The following SATB2 variants were observed in gnomAD, a reference collection of about 807,000 sequenced individuals.
SATB2 encodes the protein DNA-binding protein SATB2.
In SATB2, 1 loss-of-function variant was observed where a neutral mutation model predicts 73.4. That is an observed-to-expected ratio of 0.01 (90% CI 0.00 to 0.06). SATB2 has a LOEUF of 0.06. Ranked by LOEUF, SATB2 falls within the 10% of genes least tolerant of loss-of-function variation. The pLI is 1.00. For missense variants in SATB2, 459 were observed against 945.8 expected (o/e 0.49, Z 6.75); for synonymous variants, 397 against 367.0 (o/e 1.08, Z -0.93).
chr2:199,326,308 A>T (rs908095254), intron 8 of SATB2, among the ~76,000 whole-genome samples: 8 of 152,160 alleles, frequency 5.3e-5, no homozygotes, highest in African/African-American at 1.9e-4. Context: ...ATTCTCAAAA[A>T]CATGTTTAAA....
At chr2:199,332,480 G>A (rs1688216063) in intron 7 of SATB2, among the ~76,000 whole-genome samples, 1 of 152,004 alleles carries the variant, frequency 6.6e-6, no homozygotes, top group African/African-American at 2.4e-5. Flanking sequence ...TTCATTAAAA[G>A]CAAAATAATT....
chr2:199,299,212 C>T (rs1329216101), intron 10 of SATB2, among the ~76,000 whole-genome samples: 3 of 152,172 alleles, frequency 2.0e-5, no homozygotes, highest in Non-Finnish European at 4.4e-5. Flanking sequence ...AGTGGACACA[C>T]TTATTATCTA....
intron 10 of SATB2, among the ~76,000 whole-genome samples, chr2:199,301,450 T>A (rs979172713): frequency 6.6e-6 from 1 of 152,196 alleles, no homozygotes; most frequent in Non-Finnish European, 1.5e-5. Context: ...AAGTGATCTA[T>A]GGCCAGGTGG....
chr2:199,451,319 A>C (rs2105951155), intron 2 of SATB2, among the ~76,000 whole-genome samples: 1 of 152,132 alleles, frequency 6.6e-6, no homozygotes, highest in Middle Eastern at 3.4e-3. Flanking sequence ...TTATTTTAAT[A>C]ACAGGCCAAG....
chr2:199,387,343 C>T (rs1689992137), intron 3 of SATB2, among the ~76,000 whole-genome samples: 2 of 152,188 alleles, frequency 1.3e-5, no homozygotes. Flanking sequence ...CACAGTCACA[C>T]ATCAGGCAGT....
intron 10 of SATB2, among the ~76,000 whole-genome samples, chr2:199,280,603 T>C (rs1009491163): frequency 2.6e-4 from 40 of 152,070 alleles, no homozygotes; most frequent in African/African-American, 8.2e-4. Context: ...AATGGCCGCT[T>C]TGGGGGTGGC....
At chr2:199,344,810 T>C (rs1688604023) in intron 7 of SATB2, among the ~76,000 whole-genome samples, 1 of 152,118 alleles carries the variant, frequency 6.6e-6, no homozygotes, top group South Asian at 2.1e-4. Flanking sequence ...AACACCAAAT[T>C]TTGGAAAGTG....
intron 1 of SATB2, among the ~76,000 whole-genome samples, chr2:199,456,403 T>G (rs1692275824): frequency 6.6e-6 from 1 of 152,228 alleles, no homozygotes; most frequent in African/African-American, 2.4e-5. Flanking sequence ...GGGACGGGGT[T>G]GGCATAAACC....
At chr2:199,411,023 T>C (rs918670146) in intron 3 of SATB2, among the ~76,000 whole-genome samples, 26 of 152,166 alleles carry the variant, frequency 1.7e-4, no homozygotes, top group Admixed American at 1.4e-3. Flanking sequence ...TAATTGCTAA[T>C]ACATGGCATT....
chr2:199,357,219 G>C (rs1290075212), intron 6 of SATB2, among the ~76,000 whole-genome samples: 2 of 152,208 alleles, frequency 1.3e-5, no homozygotes, highest in Non-Finnish European at 1.5e-5. Context: ...GTGTGCACAA[G>C]TGCACGTGGC....
intron 9 of SATB2, among the ~76,000 whole-genome samples, chr2:199,316,350 G>A (rs1446642): frequency 6.6e-6 from 1 of 151,936 alleles, no homozygotes; most frequent in African/African-American, 2.4e-5. Flanking sequence ...TACAAGGAAG[G>A]CTTGTCAAGG....
At chr2:199,304,846 C>T (rs2105762818) in intron 10 of SATB2, among the ~76,000 whole-genome samples, 1 of 152,234 alleles carries the variant, frequency 6.6e-6, no homozygotes, top group South Asian at 2.1e-4. Context: ...AATCCAAATT[C>T]CCAAGGAAGA....
chr2:199,346,858 C>CTTTTTTTTTTTTTTTTTTTTTTTTTT (rs540374842), intron 7 of SATB2: 1 of 88,440 alleles, frequency 1.1e-5, no homozygotes, highest in Non-Finnish European at 2.2e-5. Context: ...TTTCACTTAA[C>CTTTTTTTTTTTTTTTTTTTTTTTTTT]TTTTTTTTTT....
At chr2:199,453,786 AAATT>A (rs548539618) in intron 2 of SATB2, among the ~76,000 whole-genome samples, 52 of 152,160 alleles carry the variant, frequency 3.4e-4, no homozygotes, top group Non-Finnish European at 5.5e-4. Flanking sequence ...AAAGTTGTCT[AAATT>A]AATCTCTTTA....
chr2:199,336,942 G>C (rs549590592), intron 7 of SATB2, among the ~76,000 whole-genome samples: 8 of 152,108 alleles, frequency 5.3e-5, no homozygotes, highest in Admixed American at 5.2e-4. Flanking sequence ...TCCCTTATAG[G>C]GTCCCCTAGA....
At position 199,380,412 on chromosome 2, in the gene SATB2, G is replaced by C; in HGVS notation, c.549C>G (p.Leu183=). The part of the protein sequence containing the change: ...ATVRNALKEL[L]KEMNQSTLAK... ...CTAATGTGCTCTGGTTCATCTCTTTGAGCAGTTCCTTTAAGGCATTGCGGA... is the reference window on the plus strand; with the variant it reads ...CTAATGTGCTCTGGTTCATCTCTTTCAGCAGTTCCTTTAAGGCATTGCGGA... Residue 183 remains leucine (L), a synonymous_variant, in exon 5 of 11, where the codon CTC becomes CTG. Transcript: ENST00000417098. 2 of 1,613,922 alleles carry C rather than the reference G, an allele frequency of 1.2e-6. No individual in the cohort carries two copies. Among genetic ancestry groups the C allele is most frequent in the Non-Finnish European group, 1.7e-6 (2 of 1,179,844 alleles).
At chr2:199,274,807 C>G (rs564199093) in intron 10 of SATB2, among the ~76,000 whole-genome samples, 3 of 151,396 alleles carry the variant, frequency 2.0e-5, no homozygotes, top group Admixed American at 1.3e-4. Flanking sequence ...CCTAATTATA[C>G]CCGGCAGGAA....
intron 3 of SATB2, among the ~76,000 whole-genome samples, chr2:199,432,869 TCAAAA>T (rs1170403038): frequency 6.6e-6 from 1 of 152,168 alleles, no homozygotes; most frequent in Non-Finnish European, 1.5e-5. Flanking sequence ...ATGGACTGCA[TCAAAA>T]CTACAAAACA....
chr2:199,386,689 TGCGCAAGCGCGCGCGCGCGC>T (rs1214821422), intron 3 of SATB2, among the ~76,000 whole-genome samples: 2 of 36,854 alleles, frequency 5.4e-5, no homozygotes, highest in African/African-American at 4.4e-4. Context: ...TTCATACACG[TGCGCAAGCGCGCGCGCGCGC>T]GCGCGCGCAC....
Sources: gnomAD v4.1 joint callset for allele counts (sites outside exome capture counted in the v4.1 genomes callset) on GRCh38, gnomAD v4.1.1 for gene constraint, MANE v1.5 for transcripts, NCBI Gene and HGNC (gene_info 2026-07-23, HGNC 2026-07-21) for gene names.